NIBAN1: variants seen among roughly 807,000 people sequenced by gnomAD.
NIBAN1 encodes the protein niban apoptosis regulator 1.
NIBAN1 carries 81 observed loss-of-function variants against 75.1 expected under a neutral mutation model. The observed-to-expected ratio is 1.08, with a 90% confidence interval of 0.90 to 1.30. The LOEUF (loss-of-function observed/expected upper bound fraction) is 1.30. Among genes scored for constraint, NIBAN1 ranks in the 50% most tolerant of loss-of-function variants. The probability of loss-of-function intolerance (pLI) is 0.00; values close to 1 mark genes in which losing one functional copy is unlikely to be tolerated. For missense variants in NIBAN1, 1,133 were observed against 1,128.1 expected (o/e 1.00, Z -0.06); for synonymous variants, 436 against 424.8 (o/e 1.03, Z -0.32).
intron 6 of NIBAN1, among the ~76,000 whole-genome samples, chr1:184,829,321 C>T (rs1654931100): frequency 6.6e-6 from 1 of 152,126 alleles, no homozygotes; most frequent in Admixed American, 6.5e-5. Context: ...TGCATGTTTT[C>T]TATGTGTGTC....
chr1:184,913,768 GAGCAACTGTTATT>G, intron 1 of NIBAN1, among the ~76,000 whole-genome samples: 1 of 152,156 alleles, frequency 6.6e-6, no homozygotes, highest in Admixed American at 6.5e-5. Context: ...CTAGACATAA[GAGCAACTGTTATT>G]TCCACACTGC....
chr1:184,946,901 T>C (rs1658239048), intron 1 of NIBAN1, among the ~76,000 whole-genome samples: 1 of 151,788 alleles, frequency 6.6e-6, no homozygotes, highest in Non-Finnish European at 1.5e-5. Flanking sequence ...TGGAGAAACC[T>C]TGTCTCTACT....
intron 6 of NIBAN1, among the ~76,000 whole-genome samples, chr1:184,828,514 G>A (rs1221514803): frequency 6.6e-6 from 1 of 152,160 alleles, no homozygotes; most frequent in East Asian, 1.9e-4. Flanking sequence ...TGAGTCTTAG[G>A]GTAGACACTG....
At chr1:184,851,835 A>T (rs1439224701) in intron 5 of NIBAN1, among the ~76,000 whole-genome samples, 3 of 119,354 alleles carry the variant, frequency 2.5e-5, no homozygotes, top group Non-Finnish European at 3.5e-5. Context: ...AGGCTGATCT[A>T]ACGACTTTTT....
intron 5 of NIBAN1, among the ~76,000 whole-genome samples, chr1:184,847,031 C>A (rs1655456384): frequency 1.2e-5 from 1 of 85,624 alleles, no homozygotes; most frequent in East Asian, 2.6e-4. Flanking sequence ...GAGAATGGAA[C>A]CAAGTTGGAA....
intron 5 of NIBAN1, among the ~76,000 whole-genome samples, chr1:184,843,391 A>T (rs1655348989): frequency 6.6e-6 from 1 of 152,008 alleles, no homozygotes; most frequent in African/African-American, 2.4e-5. Context: ...TATGAAAATG[A>T]CCCACACTCC....
rs146212210 is a variant in NIBAN1 at position 184,893,706 on chromosome 1, C to T, written c.318+369G>A. ...ATGTCAGGATGGTGGCTGAGAAAGA[C>T]CTCAAGGCTGAATGATCATAGGAAA... On this transcript the variant is annotated intron_variant, in intron 3 of 13. Transcript: ENST00000367511. Among the ~76,000 whole-genome samples, 38 of 152,228 alleles carry T rather than the reference C, an allele frequency of 2.5e-4. No individual in the cohort carries two copies. The Middle Eastern group carries it at 0.021, about 83-fold the overall frequency.
intron 5 of NIBAN1, among the ~76,000 whole-genome samples, chr1:184,866,895 A>G (rs567757453): frequency 6.6e-6 from 1 of 152,358 alleles, no homozygotes; most frequent in East Asian, 1.9e-4. Flanking sequence ...CTTGCAAGGT[A>G]TCTATGAAAG....
At chr1:184,825,715 T>C (rs1571495952) in intron 6 of NIBAN1, among the ~76,000 whole-genome samples, 1 of 152,194 alleles carries the variant, frequency 6.6e-6, no homozygotes, top group African/African-American at 2.4e-5. Flanking sequence ...TGCTCCTGAA[T>C]TGCAGCAGCT....
rs144124087 is a variant in NIBAN1, at chr1:184,829,553, G to A, written c.717+2294C>T. Among the ~76,000 whole-genome samples the A allele has an allele frequency of 2.7e-3, 366 of 136,886 alleles. 5 individuals carry two copies. In the East Asian group the frequency reaches 0.03, roughly 11 times the overall value. The allele number at this position is 136,886 out of a possible 152,430, so 89.8% of individuals were successfully genotyped here. On this transcript the variant is annotated intron_variant, in intron 6 of 13. Coordinates refer to ENST00000367511, the MANE Select transcript of NIBAN1 (RefSeq NM_052966.4). ...ATGATCTTGGCTCACTGCAACCTCC[G>A]CCTCCCAGGTTTAAGCAATTCTCCT...
chr1:184,829,080 A>G (rs1159473231), intron 6 of NIBAN1, among the ~76,000 whole-genome samples: 1 of 152,080 alleles, frequency 6.6e-6, no homozygotes, highest in African/African-American at 2.4e-5. Context: ...GATTACAGGT[A>G]TGAGCCACCA....
chr1:184,806,113 C>A, intron 10 of NIBAN1, 57 bp from the exon 11 acceptor site: 1 of 1,446,216 alleles, frequency 6.9e-7, no homozygotes, highest in South Asian at 1.2e-5. Context: ...GATCACCACC[C>A]ACAGGCCTGG....
chr1:184,894,616 G>A (rs778991105), intron 2 of NIBAN1, among the ~76,000 whole-genome samples: 8 of 152,320 alleles, frequency 5.3e-5, no homozygotes, highest in Non-Finnish European at 1.0e-4. Flanking sequence ...GTTAATCCCC[G>A]CAAAGCGGGA....
intron 5 of NIBAN1, among the ~76,000 whole-genome samples, chr1:184,882,622 T>G (rs1656405383): frequency 6.6e-6 from 1 of 152,200 alleles, no homozygotes; most frequent in Admixed American, 6.5e-5. Context: ...TTGAATGGGC[T>G]GAAATCTTCC....
At chr1:184,903,733 C>T (rs986249831) in intron 1 of NIBAN1, among the ~76,000 whole-genome samples, 7 of 99,922 alleles carry the variant, frequency 7.0e-5, no homozygotes, top group African/African-American at 2.3e-4. Context: ...CCGATTAAAC[C>T]TTTTTTTTTT....
intron 1 of NIBAN1, among the ~76,000 whole-genome samples, chr1:184,967,297 G>A (rs1369859373): frequency 1.3e-5 from 2 of 151,502 alleles, no homozygotes; most frequent in Non-Finnish European, 2.9e-5. Context: ...ACAGACTGTA[G>A]CAGATGAATT....
rs1479395726 is a variant in NIBAN1, at chr1:184,792,237, AG to A, written c.*2739del. 1.3e-5 allele frequency: 2 copies of A among 152,224 alleles called. No individual in the cohort carries two copies. The highest frequency in any genetic ancestry group is 4.8e-5 in the African/African-American group (2 of 41,450). The allele number at this position is 152,224 out of a possible 1,614,324, so 9.4% of individuals were successfully genotyped here. A position where few individuals can be genotyped will look rare whatever the true frequency, so the allele number is the denominator to read the frequency against. ...ATTATAGGTGTAAGCTACCACATCC[AG>A]CCCAAAAACTTGTCTTTAGTGAAAT... On this transcript the variant is annotated 3_prime_UTR_variant, in exon 14 of 14. Coordinates refer to ENST00000367511, the MANE Select transcript of NIBAN1 (RefSeq NM_052966.4).
intron 1 of NIBAN1, among the ~76,000 whole-genome samples, chr1:184,951,596 C>A (rs750615955): frequency 1.3e-5 from 2 of 152,098 alleles, no homozygotes; most frequent in Non-Finnish European, 2.9e-5. Context: ...ATAACCCAAC[C>A]ATGTCTCCCT....
chr1:184,856,275 A>G (rs1453684581), intron 5 of NIBAN1, among the ~76,000 whole-genome samples: 1 of 152,204 alleles, frequency 6.6e-6, no homozygotes, highest in South Asian at 2.1e-4. Context: ...TTGTGCCTAC[A>G]TGCCTTCTGG....
Sources: allele counts gnomAD v4.1 joint callset (sites outside exome capture counted in the v4.1 genomes callset), GRCh38; gene constraint gnomAD v4.1.1; transcripts MANE v1.5; gene names NCBI Gene and HGNC (gene_info 2026-07-23, HGNC 2026-07-21).